Variants in LOC128462377 observed in about 807,000 individuals in gnomAD.
chr16:89,390,941 G>C, the LOC128462377 span, among the ~76,000 whole-genome samples: 1 of 152,146 alleles, frequency 6.6e-6, no homozygotes, highest in Non-Finnish European at 1.5e-5. Flanking sequence ...TAAAATTATT[G>C]CACCAGGCTG....
the LOC128462377 span, among the ~76,000 whole-genome samples, chr16:89,345,832 C>T: frequency 6.6e-6 from 1 of 152,236 alleles, no homozygotes; most frequent in East Asian, 1.9e-4. Context: ...GACTTGAGGC[C>T]AGAATGCATT....
At chr16:89,359,886 CAT>C in the LOC128462377 span, among the ~76,000 whole-genome samples, 1 of 151,992 alleles carries the variant, frequency 6.6e-6, no homozygotes, top group Non-Finnish European at 1.5e-5. Context: ...ATCAGCATCA[CAT>C]AGTTTATATG....
the LOC128462377 span, among the ~76,000 whole-genome samples, chr16:89,330,191 G>A: frequency 6.6e-6 from 1 of 152,126 alleles, no homozygotes; most frequent in Non-Finnish European, 1.5e-5. Flanking sequence ...CAAAAAGGAA[G>A]AGGAAGCAAT....
the LOC128462377 span, chr16:89,324,139 T>C: frequency 2.2e-5 from 20 of 929,938 alleles, no homozygotes; most frequent in Non-Finnish European, 2.8e-5. Flanking sequence ...CGCTCTCTAC[T>C]GCAGCCCTGT....
At chr16:89,331,162 C>T in the LOC128462377 span, among the ~76,000 whole-genome samples, 1 of 152,172 alleles carries the variant, frequency 6.6e-6, no homozygotes, top group African/African-American at 2.4e-5. Context: ...CCATGTTGGC[C>T]AGGCTGGTCT....
the LOC128462377 span, among the ~76,000 whole-genome samples, chr16:89,354,636 C>T: frequency 1.3e-5 from 2 of 152,190 alleles, no homozygotes; most frequent in African/African-American, 4.8e-5. Flanking sequence ...AATCCCAGCA[C>T]TTTGGGAGGC....
chr16:89,409,667 C>T, the LOC128462377 span, among the ~76,000 whole-genome samples: 1 of 152,122 alleles, frequency 6.6e-6, no homozygotes, highest in Admixed American at 6.6e-5. Context: ...CACACACACA[C>T]GAAAACTGGT....
chr16:89,372,327 G>A, the LOC128462377 span, among the ~76,000 whole-genome samples: 1 of 152,340 alleles, frequency 6.6e-6, no homozygotes, highest in Non-Finnish European at 1.5e-5. Context: ...AGCGACGGAT[G>A]CGGCCACCAC....
the LOC128462377 span, among the ~76,000 whole-genome samples, chr16:89,343,340 A>G: frequency 1.3e-4 from 20 of 152,202 alleles, no homozygotes; most frequent in Non-Finnish European, 2.4e-4. Flanking sequence ...AAAACAGAAA[A>G]ATTGACATTT....
At chr16:89,367,577 C>T in the LOC128462377 span, among the ~76,000 whole-genome samples, 1 of 152,226 alleles carries the variant, frequency 6.6e-6, no homozygotes, top group South Asian at 2.1e-4. Context: ...TGTTCCTGAC[C>T]CGTCCCTCCT....
At chr16:89,317,883 C>T in the LOC128462377 span, among the ~76,000 whole-genome samples, 1 of 152,188 alleles carries the variant, frequency 6.6e-6, no homozygotes, top group African/African-American at 2.4e-5. Context: ...TCCCATGCAA[C>T]CCAATCACCT....
chr16:89,357,621 C>T, the LOC128462377 span, among the ~76,000 whole-genome samples: 31 of 152,292 alleles, frequency 2.0e-4, no homozygotes, highest in Non-Finnish European at 4.0e-4. Context: ...CCGAGTGTCC[C>T]CTGGCGGATG....
chr16:89,344,726 C>T, the LOC128462377 span, among the ~76,000 whole-genome samples: 1 of 151,908 alleles, frequency 6.6e-6, no homozygotes, highest in East Asian at 1.9e-4. Context: ...CTCCCAAGCA[C>T]GAGGGCACGG....
At chr16:89,318,141 C>T in the LOC128462377 span, among the ~76,000 whole-genome samples, 2 of 152,240 alleles carry the variant, frequency 1.3e-5, no homozygotes, top group African/African-American at 2.4e-5. Flanking sequence ...CTCTGCGACA[C>T]ACGGTGCGAG....
At chr16:89,380,037 A>G in the LOC128462377 span, among the ~76,000 whole-genome samples, 1 of 152,188 alleles carries the variant, frequency 6.6e-6, no homozygotes, top group Admixed American at 6.5e-5. Context: ...CAATGGGTAT[A>G]TATGAAGCTC....
At chr16:89,391,806 G>A in the LOC128462377 span, among the ~76,000 whole-genome samples, 1 of 152,178 alleles carries the variant, frequency 6.6e-6, no homozygotes, top group Non-Finnish European at 1.5e-5. Flanking sequence ...TCTCTTAAAA[G>A]CAACATTTAT....
At chr16:89,395,621 CA>C in the LOC128462377 span, 1 of 152,248 alleles carries the variant, frequency 6.6e-6, no homozygotes, top group Non-Finnish European at 1.5e-5. Context: ...GCATAGGTAT[CA>C]GGGGAGGTAA....
the LOC128462377 span, among the ~76,000 whole-genome samples, chr16:89,368,809 C>T: frequency 5.7e-4 from 86 of 152,054 alleles, no homozygotes; most frequent in African/African-American, 1.7e-3. Flanking sequence ...CAGAGGCAGG[C>T]GGGATCGCTT....
the LOC128462377 span, among the ~76,000 whole-genome samples, chr16:89,377,320 A>C: frequency 1.3e-5 from 2 of 152,184 alleles, no homozygotes; most frequent in Non-Finnish European, 2.9e-5. Flanking sequence ...ACCATGAAAG[A>C]TGCCATCATT....
Sources: gnomAD v4.1 joint callset for allele counts (sites outside exome capture counted in the v4.1 genomes callset) on GRCh38, gnomAD v4.1.1 for gene constraint, MANE v1.5 for transcripts.